Variants in SORCS1 observed in about 807,000 individuals in gnomAD.
The protein encoded by SORCS1 is VPS10 domain-containing receptor SorCS1.
A neutral mutation model predicts 146.1 loss-of-function variants in SORCS1; 60 were observed. The ratio of observed to expected loss-of-function variants is 0.41; its 90% confidence interval spans 0.33 to 0.51. The LOEUF is 0.51. Ranked by LOEUF, SORCS1 falls within the 20% of genes least tolerant of loss-of-function variation. The pLI is 0.21. For missense variants in SORCS1, 1,352 were observed against 1,487.6 expected (o/e 0.91, Z 1.50); for synonymous variants, 637 against 584.0 (o/e 1.09, Z -1.31).
chr10:106,929,459 C>A (rs1053400949), intron 2 of SORCS1, among the ~76,000 whole-genome samples: 5 of 152,150 alleles, frequency 3.3e-5, no homozygotes, highest in Non-Finnish European at 7.4e-5. Context: ...TGTTTACTTT[C>A]CCTCCCTACT....
intron 3 of SORCS1, among the ~76,000 whole-genome samples, chr10:106,807,238 A>G (rs1358434918): frequency 6.6e-6 from 1 of 152,208 alleles, no homozygotes; most frequent in Non-Finnish European, 1.5e-5. Context: ...TCAGTCGGAG[A>G]GTGCAAGGAC....
chr10:106,961,981 C>A (rs1189308748), intron 1 of SORCS1, among the ~76,000 whole-genome samples: 1 of 152,156 alleles, frequency 6.6e-6, no homozygotes, highest in Non-Finnish European at 1.5e-5. Context: ...AAGTCAAGAA[C>A]CCTCCCAAGC....
chr10:107,116,206 G>T (rs1273030316), intron 1 of SORCS1, among the ~76,000 whole-genome samples: 1 of 152,044 alleles, frequency 6.6e-6, no homozygotes, highest in Non-Finnish European at 1.5e-5. Flanking sequence ...CAGTAGGAAG[G>T]CTCTTAAAAA....
At chr10:106,768,400 T>C (rs1859739288) in intron 4 of SORCS1, among the ~76,000 whole-genome samples, 1 of 152,240 alleles carries the variant, frequency 6.6e-6, no homozygotes, top group African/African-American at 2.4e-5. Flanking sequence ...ATCAGTTTCC[T>C]AAGTGTTTGT....
intron 2 of SORCS1, among the ~76,000 whole-genome samples, chr10:106,905,388 A>C (rs1951868712): frequency 1.3e-5 from 2 of 152,154 alleles, no homozygotes; most frequent in Admixed American, 1.3e-4. Flanking sequence ...GAATAAATAC[A>C]TTTCTAAGAA....
chr10:107,070,319 CTAGGAGTAAAA>C (rs1962306102), intron 1 of SORCS1, among the ~76,000 whole-genome samples: 1 of 152,008 alleles, frequency 6.6e-6, no homozygotes. Context: ...GTGTACATAG[CTAGGAGTAAAA>C]TTATTGGATC....
chr10:106,841,272 C>G (rs1046340022), intron 2 of SORCS1, among the ~76,000 whole-genome samples: 14 of 152,016 alleles, frequency 9.2e-5, no homozygotes, highest in Non-Finnish European at 1.8e-4. Context: ...GAGTTTGAGA[C>G]CAGCCTGGGC....
Position 106,584,708 on chromosome 10 carries a change from T to G in SORCS1, c.3266-5234A>C, listed in dbSNP as rs189474930. On this transcript the variant is annotated intron_variant, in intron 24 of 25. Coordinates refer to ENST00000263054, the MANE Select transcript of SORCS1 (RefSeq NM_052918.5). ...TGAATCATTGTTTGCCCAAATAAAC[T>G]CTTTAACATTTTAATGTGTCTCAGT... Among the ~76,000 whole-genome samples the G allele has an allele frequency of 2.0e-5, 3 of 152,324 alleles. No individual in the cohort carries two copies. In the East Asian group the frequency reaches 5.8e-4, roughly 29 times the overall value.
chr10:106,969,870 T>A (rs548225805), intron 1 of SORCS1, among the ~76,000 whole-genome samples: 1 of 152,298 alleles, frequency 6.6e-6, no homozygotes, highest in African/African-American at 2.4e-5. Flanking sequence ...TCACTGTAAA[T>A]TCACCTTCAG....
chr10:107,156,101 T>C (rs1969262015), intron 1 of SORCS1, among the ~76,000 whole-genome samples: 1 of 152,068 alleles, frequency 6.6e-6, no homozygotes, highest in African/African-American at 2.4e-5. Context: ...TGGGGTGAAG[T>C]GAAAGGAAGA....
chr10:106,974,917 A>G (rs1955930150), intron 1 of SORCS1, among the ~76,000 whole-genome samples: 1 of 152,200 alleles, frequency 6.6e-6, no homozygotes, highest in South Asian at 2.1e-4. Flanking sequence ...TCTACTTTTT[A>G]AATTGTCAAT....
At chr10:106,689,341 GA>G (rs570032376) in intron 9 of SORCS1, among the ~76,000 whole-genome samples, 61 of 152,314 alleles carry the variant, frequency 4.0e-4, no homozygotes, top group Middle Eastern at 3.4e-3. Context: ...GGGCAGTGAG[GA>G]AAAGGACTGA....
chr10:107,088,629 T>A (rs979822824), intron 1 of SORCS1, among the ~76,000 whole-genome samples: 1 of 152,236 alleles, frequency 6.6e-6, no homozygotes, highest in Non-Finnish European at 1.5e-5. Context: ...TACTGCTGGA[T>A]GATCAGTGGC....
intron 1 of SORCS1, among the ~76,000 whole-genome samples, chr10:107,105,118 T>G (rs117157485): frequency 1.3e-5 from 2 of 152,182 alleles, no homozygotes; most frequent in Non-Finnish European, 2.9e-5. Context: ...ATTCAGCAAG[T>G]AGTGAGTTAA....
chr10:106,741,876 G>A (rs1220265696), intron 5 of SORCS1, among the ~76,000 whole-genome samples: 2 of 152,190 alleles, frequency 1.3e-5, no homozygotes, highest in Non-Finnish European at 2.9e-5. Flanking sequence ...AAAACACAGT[G>A]TCAGTTTTTA....
chr10:106,669,128 T>C (rs889014492), intron 16 of SORCS1, among the ~76,000 whole-genome samples: 1 of 152,096 alleles, frequency 6.6e-6, no homozygotes, highest in Admixed American at 6.5e-5. Flanking sequence ...CACAAATGAA[T>C]GCAGGGATTG....
chr10:106,592,217 A>C (rs1261631263), intron 24 of SORCS1, among the ~76,000 whole-genome samples: 1 of 152,158 alleles, frequency 6.6e-6, no homozygotes, highest in Non-Finnish European at 1.5e-5. Flanking sequence ...CCTTAAGAAA[A>C]ACTGCATGAA....
chr10:107,132,067 C>T (rs822324), intron 1 of SORCS1, among the ~76,000 whole-genome samples: 4,501 of 152,220 alleles, frequency 0.03, 239 homozygotes, highest in African/African-American at 0.1. Flanking sequence ...TAAGTAAGAA[C>T]TTATAGATAA....
intron 2 of SORCS1, among the ~76,000 whole-genome samples, chr10:106,873,763 A>G (rs1950502024): frequency 6.6e-6 from 1 of 152,186 alleles, no homozygotes; most frequent in Admixed American, 6.5e-5. Flanking sequence ...TTCTAATTAC[A>G]CCAATAACTC....
Sources: allele counts gnomAD v4.1 joint callset (sites outside exome capture counted in the v4.1 genomes callset), GRCh38; gene constraint gnomAD v4.1.1; transcripts MANE v1.5; gene names NCBI Gene and HGNC (gene_info 2026-07-23, HGNC 2026-07-21).